The following HPSE2 variants were observed in gnomAD, a reference collection of about 807,000 sequenced individuals.
The protein encoded by HPSE2 is heparanase 2 (inactive), also known as inactive heparanase-2.
In HPSE2, 38 loss-of-function variants were observed where a neutral mutation model predicts 60.5. That is an observed-to-expected ratio of 0.63 (90% CI 0.48 to 0.82). HPSE2 has a LOEUF of 0.82. Among genes scored for constraint, HPSE2 ranks in the 40% least tolerant of loss-of-function variants. The pLI, the probability that HPSE2 is intolerant of heterozygous loss-of-function variation, is 0.00. For synonymous variants in HPSE2, 295 were observed against 293.2 expected (o/e 1.01, Z -0.06); for missense variants, 713 against 740.4 (o/e 0.96, Z 0.43).
chr10:98,885,727 C>T (rs1366008522), intron 3 of HPSE2, among the ~76,000 whole-genome samples: 1 of 151,960 alleles, frequency 6.6e-6, no homozygotes, highest in African/African-American at 2.4e-5. Context: ...AGACATAATG[C>T]CATTTCATAC....
chr10:98,727,740 C>G (rs541354424), intron 4 of HPSE2, among the ~76,000 whole-genome samples: 2 of 151,106 alleles, frequency 1.3e-5, no homozygotes, highest in Non-Finnish European at 2.9e-5. Flanking sequence ...AATGATTCAT[C>G]AAATAGAAAT....
At chr10:98,898,862 T>C (rs923448469) in intron 3 of HPSE2, among the ~76,000 whole-genome samples, 1 of 152,196 alleles carries the variant, frequency 6.6e-6, no homozygotes, top group African/African-American at 2.4e-5. Context: ...AAAACTGATT[T>C]TGACAAAAGT....
chr10:98,809,465 T>C (rs1302201173), intron 3 of HPSE2, among the ~76,000 whole-genome samples: 1 of 152,218 alleles, frequency 6.6e-6, no homozygotes, highest in East Asian at 1.9e-4. Context: ...AGATAGCAAC[T>C]TGATAAACAA....
At chr10:98,722,390 T>A (rs538019693) in intron 4 of HPSE2, among the ~76,000 whole-genome samples, 1 of 151,690 alleles carries the variant, frequency 6.6e-6, no homozygotes, top group Non-Finnish European at 1.5e-5. Context: ...AGGCATGGAA[T>A]AGATTCTCTC....
At chr10:99,198,049 C>G (rs1427872863) in intron 2 of HPSE2, among the ~76,000 whole-genome samples, 1 of 148,832 alleles carries the variant, frequency 6.7e-6, no homozygotes, top group East Asian at 2.0e-4. Context: ...GCTTGGGCAA[C>G]AGAGCAAGAC....
At chr10:98,580,886 T>C (rs1944779940) in intron 9 of HPSE2, among the ~76,000 whole-genome samples, 1 of 146,502 alleles carries the variant, frequency 6.8e-6, no homozygotes, top group African/African-American at 2.6e-5. Flanking sequence ...ATATATAAAA[T>C]ATATATATAT....
chr10:99,054,792 C>T (rs1231265695), intron 3 of HPSE2, among the ~76,000 whole-genome samples: 1 of 152,164 alleles, frequency 6.6e-6, no homozygotes, highest in East Asian at 1.9e-4. Context: ...CTCACTGCAA[C>T]CTCCGCCTCT....
chr10:99,270,948 A>T, the HPSE2 span, among the ~76,000 whole-genome samples: 1 of 152,246 alleles, frequency 6.6e-6, no homozygotes, highest in Non-Finnish European at 1.5e-5. Context: ...CTTTATGATT[A>T]AAACCCTCAA....
intron 9 of HPSE2, 105 bp downstream of exon 9, chr10:98,614,799 C>T: frequency 1.2e-6 from 1 of 829,586 alleles, no homozygotes; most frequent in Non-Finnish European, 2.1e-6. Context: ...ATGAAATTAA[C>T]TGGTAACAGC....
chr10:98,811,053 C>T (rs1951159046), intron 3 of HPSE2, among the ~76,000 whole-genome samples: 2 of 152,142 alleles, frequency 1.3e-5, no homozygotes, highest in South Asian at 4.1e-4. Context: ...TCCTCTCCAA[C>T]TGCATCTTGA....
At chr10:99,260,384 C>T in the HPSE2 span, among the ~76,000 whole-genome samples, 1 of 152,158 alleles carries the variant, frequency 6.6e-6, no homozygotes, top group Non-Finnish European at 1.5e-5. Context: ...GGTCCCCTGT[C>T]CTCGCCCTCG....
chr10:99,202,293 G>GC (rs1393184458), intron 2 of HPSE2, among the ~76,000 whole-genome samples: 1 of 152,114 alleles, frequency 6.6e-6, no homozygotes, highest in Non-Finnish European at 1.5e-5. Context: ...AGGATCGTTA[G>GC]CCCCTATTTG....
chr10:99,104,065 T>C lies in HPSE2; in HGVS notation c.610+40173A>G, dbSNP rs923911129. On this transcript the variant is annotated intron_variant, in intron 3 of 11. Coordinates refer to ENST00000370552, the MANE Select transcript of HPSE2 (RefSeq NM_021828.5). ...AACTTAGGCAATACCATTCAGGACA[T>C]AGGCATGGACAAGGACTTTATGTCT... Among the ~76,000 whole-genome samples the C allele has an allele frequency of 7.2e-5, 11 of 152,312 alleles. No homozygotes were observed. The South Asian group carries it at 1.9e-3, about 26-fold the overall frequency.
At chr10:99,279,136 C>A in the HPSE2 span, among the ~76,000 whole-genome samples, 2 of 152,012 alleles carry the variant, frequency 1.3e-5, no homozygotes, top group Admixed American at 1.3e-4. Context: ...AGAATTTCAA[C>A]AGGGTTGCAA....
intron 9 of HPSE2, among the ~76,000 whole-genome samples, chr10:98,541,983 C>T (rs1943482480): frequency 6.9e-6 from 1 of 144,572 alleles, no homozygotes; most frequent in African/African-American, 2.5e-5. Flanking sequence ...TCCCAGCACG[C>T]AGCTGGAGAT....
chr10:98,865,581 T>C (rs1406461430), intron 3 of HPSE2, among the ~76,000 whole-genome samples: 1 of 152,086 alleles, frequency 6.6e-6, no homozygotes, highest in Admixed American at 6.6e-5. Context: ...AAGCACTTCA[T>C]TCAGACTAAC....
intron 4 of HPSE2, among the ~76,000 whole-genome samples, chr10:98,742,246 G>C (rs1949515309): frequency 6.6e-6 from 1 of 152,088 alleles, no homozygotes; most frequent in Non-Finnish European, 1.5e-5. Flanking sequence ...GTAAAGAAGA[G>C]AGAAAAGCAG....
At chr10:98,552,978 T>C (rs1175125001) in intron 9 of HPSE2, among the ~76,000 whole-genome samples, 1 of 152,224 alleles carries the variant, frequency 6.6e-6, no homozygotes, top group African/African-American at 2.4e-5. Context: ...TAAATGGTTT[T>C]GCCTGCAAAA....
chr10:98,927,291 G>A (rs1954499452), intron 3 of HPSE2, among the ~76,000 whole-genome samples: 1 of 152,086 alleles, frequency 6.6e-6, no homozygotes. Context: ...GGGTGCTCCT[G>A]TATTGGGTGC....
Sources: gnomAD v4.1 joint callset for allele counts (sites outside exome capture counted in the v4.1 genomes callset) on GRCh38, gnomAD v4.1.1 for gene constraint, MANE v1.5 for transcripts, NCBI Gene and HGNC (gene_info 2026-07-23, HGNC 2026-07-21) for gene names.